The following MAGI2 variants were observed in gnomAD, a reference collection of about 807,000 sequenced individuals.
MAGI2 encodes the protein membrane-associated guanylate kinase, WW and PDZ domain-containing protein 2.
Under a neutral mutation model 133.3 loss-of-function variants are expected in MAGI2, and 35 were observed. The observed-to-expected ratio is 0.26, with a 90% CI of 0.20 to 0.35. MAGI2 has a LOEUF of 0.35. Among genes scored for constraint, MAGI2 ranks in the 10% least tolerant of loss-of-function variants. The probability of loss-of-function intolerance (pLI) is 1.00; values close to 1 mark genes in which losing one functional copy is unlikely to be tolerated. For synonymous variants in MAGI2, 729 were observed against 710.6 expected, an observed-to-expected ratio of 1.03 and a Z score of -0.41; for missense variants, 1,636 against 1,863.4, an observed-to-expected ratio of 0.88 and a Z score of 2.25.
chr7:79,179,421 A>G (rs1190697676), intron 1 of MAGI2, among the ~76,000 whole-genome samples: 1 of 152,046 alleles, frequency 6.6e-6, no homozygotes, highest in African/African-American at 2.4e-5. Context: ...AATAGAAAAA[A>G]CAATCATACA....
Position 78,162,552 on chromosome 7 carries a change from AAAG to A in MAGI2, c.2597-2282_2597-2280del, listed in dbSNP as rs1173390658. 1.9e-4 allele frequency among the ~76,000 whole-genome samples: 29 copies of A among 151,568 alleles called. No individual in the cohort carries two copies. In the East Asian group the frequency reaches 5.2e-3, roughly 27 times the overall value. On this transcript the variant is annotated intron_variant, in intron 15 of 21. Transcript: ENST00000354212. ...AAAAAAAAAACAAAAAACAAAAACGAAAGAAGAATTATCTGTCTTTGCAGTAAA... is the reference window on the plus strand; with the variant it reads ...AAAAAAAAAACAAAAAACAAAAACGAAAGAATTATCTGTCTTTGCAGTAAA...
At chr7:78,048,480 C>G (rs1811663276) in intron 21 of MAGI2, among the ~76,000 whole-genome samples, 1 of 152,080 alleles carries the variant, frequency 6.6e-6, no homozygotes, top group South Asian at 2.1e-4. Flanking sequence ...CCCGCCAATG[C>G]CCCCCTCCAC....
At chr7:79,008,796 T>G (rs1055541359) in intron 1 of MAGI2, 9 of 152,188 alleles carry the variant, frequency 5.9e-5, no homozygotes, top group Non-Finnish European at 1.3e-4. Context: ...TGTTTCCATG[T>G]GTCTTGGACT....
At chr7:79,450,889 A>G (rs1849192736) in intron 1 of MAGI2, among the ~76,000 whole-genome samples, 1 of 152,196 alleles carries the variant, frequency 6.6e-6, no homozygotes, top group South Asian at 2.1e-4. Context: ...TGATTTAATG[A>G]AAGTAAAGCT....
intron 1 of MAGI2, among the ~76,000 whole-genome samples, chr7:79,323,348 A>G (rs1247056123): frequency 6.6e-6 from 1 of 152,188 alleles, no homozygotes; most frequent in Non-Finnish European, 1.5e-5. Context: ...TGATACTAGA[A>G]TATCTAGGGG....
intron 2 of MAGI2, among the ~76,000 whole-genome samples, chr7:78,717,536 G>A (rs977790660): frequency 1.3e-5 from 2 of 152,112 alleles, no homozygotes; most frequent in African/African-American, 4.8e-5. Context: ...AGCTGTGAAT[G>A]AACTTAGGCT....
chr7:78,065,517 CA>C (rs1813722165), intron 21 of MAGI2: 1 of 632,404 alleles, frequency 1.6e-6, no homozygotes, highest in Admixed American at 2.8e-5. Flanking sequence ...CAGTTAAAAA[CA>C]TATGCAAAAC....
intron 1 of MAGI2, among the ~76,000 whole-genome samples, chr7:79,294,744 T>C (rs1248812985): frequency 6.9e-6 from 1 of 144,832 alleles, no homozygotes; most frequent in African/African-American, 2.6e-5. Context: ...TTTTTTTTTT[T>C]TCTGAGACGG....
intron 2 of MAGI2, among the ~76,000 whole-genome samples, chr7:78,952,885 C>G (rs1195872014): frequency 6.6e-6 from 1 of 152,172 alleles, no homozygotes; most frequent in Non-Finnish European, 1.5e-5. Context: ...GTGTGAGTAG[C>G]AAGGTCCCTT....
intron 1 of MAGI2, among the ~76,000 whole-genome samples, chr7:79,277,700 G>T (rs1835334822): frequency 1.3e-5 from 2 of 152,066 alleles, no homozygotes; most frequent in Admixed American, 6.6e-5. Context: ...CTTCAGACAG[G>T]TTTCTTCCTC....
At chr7:78,809,085 T>A (rs1246738193) in intron 2 of MAGI2, among the ~76,000 whole-genome samples, 1 of 152,156 alleles carries the variant, frequency 6.6e-6, no homozygotes, top group Non-Finnish European at 1.5e-5. Context: ...TACAACAATT[T>A]GTCTTCGTTT....
intron 1 of MAGI2, among the ~76,000 whole-genome samples, chr7:79,230,619 G>T (rs1423004423): frequency 8.7e-5 from 13 of 149,754 alleles, no homozygotes; most frequent in East Asian, 2.0e-4. Context: ...CATGTCCTTC[G>T]CCCACTTTTT....
intron 2 of MAGI2, among the ~76,000 whole-genome samples, chr7:78,766,091 TTGAG>T (rs1824998726): frequency 6.6e-6 from 1 of 152,286 alleles, no homozygotes; most frequent in Admixed American, 6.5e-5. Context: ...TTGTGGCCCT[TTGAG>T]TGAAATAACC....
Position 79,453,506 on chromosome 7 carries a change from A to T in MAGI2, c.-186T>A. ...GTGGACGAGGAATGGGGAGGATGAG[A>T]GGGACGGCTGGGCAGAGGTAGGAGA... On this transcript the variant is annotated 5_prime_UTR_variant, in exon 1 of 22. Transcript: ENST00000354212. The T allele has an allele frequency of 7.1e-7, 1 of 1,402,328 alleles. No individual in the cohort carries two copies. 86.9% of individuals were successfully genotyped at this position (1,402,328 alleles called of 1,614,324 possible). A position where few individuals can be genotyped will look rare whatever the true frequency, so the allele number is the denominator to read the frequency against.
chr7:79,222,887 T>G (rs954169812), intron 1 of MAGI2, among the ~76,000 whole-genome samples: 1 of 152,020 alleles, frequency 6.6e-6, no homozygotes, highest in African/African-American at 2.4e-5. Context: ...TTTTGTTTGT[T>G]TGTTTGTTTG....
At chr7:78,058,476 T>C (rs1469832560) in intron 21 of MAGI2, among the ~76,000 whole-genome samples, 1 of 80,280 alleles carries the variant, frequency 1.2e-5, no homozygotes, top group Non-Finnish European at 2.5e-5. Context: ...ATCTTAAAAT[T>C]CCTTTTTTTT....
chr7:79,035,654 G>T (rs1311236181), intron 1 of MAGI2, among the ~76,000 whole-genome samples: 1 of 152,086 alleles, frequency 6.6e-6, no homozygotes, highest in Non-Finnish European at 1.5e-5. Flanking sequence ...TGTAAAATGG[G>T]ATACATATCT....
At chr7:78,961,232 C>T (rs1261543972) in intron 2 of MAGI2, among the ~76,000 whole-genome samples, 1 of 152,080 alleles carries the variant, frequency 6.6e-6, no homozygotes, top group Non-Finnish European at 1.5e-5. Context: ...GATCTCTCTC[C>T]TTCTTTCCAT....
chr7:78,315,981 A>G (rs1441008991), intron 9 of MAGI2, among the ~76,000 whole-genome samples: 1 of 152,136 alleles, frequency 6.6e-6, no homozygotes, highest in African/African-American at 2.4e-5. Context: ...TCATGATGGA[A>G]GATTTGCCAT....
Sources: gnomAD v4.1 joint callset for allele counts (sites outside exome capture counted in the v4.1 genomes callset) on GRCh38, gnomAD v4.1.1 for gene constraint, MANE v1.5 for transcripts, NCBI Gene and HGNC (gene_info 2026-07-23, HGNC 2026-07-21) for gene names.